Variants in ZFHX4 observed in about 807,000 individuals in gnomAD.
ZFHX4 encodes the protein zinc finger homeobox 4, also known as zinc finger homeobox protein 4.
ZFHX4 carries 56 observed loss-of-function variants against 267.6 expected under a neutral mutation model. The ratio of observed to expected loss-of-function variants is 0.21; its 90% CI spans 0.17 to 0.26. The LOEUF is 0.26. ZFHX4 is among the 10% of genes least tolerant of loss of function. ZFHX4 has a pLI of 1.00. For missense variants in ZFHX4, 4,332 were observed against 4,420.0 expected, an observed-to-expected ratio of 0.98 and a Z score of 0.56; for synonymous variants, 1,778 against 1,665.6, an observed-to-expected ratio of 1.07 and a Z score of -1.64.
intron 3 of ZFHX4, among the ~76,000 whole-genome samples, chr8:76,709,439 G>T (rs540812778): frequency 1.9e-4 from 29 of 152,176 alleles, no homozygotes; most frequent in African/African-American, 6.5e-4. Context: ...TAATTCATAG[G>T]TTTTGCAGCA....
Position 76,854,397 on chromosome 8 carries a change from A to G in ZFHX4, c.7476A>G (p.Gln2492=). ...LQNSLPPQLL[Q]YQCDQCTVAF... ...ACAGTCTACCTCCACAGTTACTACA[A>G]TACCAATGTGATCAGTGTACAGTTG... Residue 2492 remains glutamine (Q), a synonymous_variant, in exon 10 of 11, where the codon CAA becomes CAG. Coordinates refer to ENST00000651372, the MANE Select transcript of ZFHX4 (RefSeq NM_024721.5). 1 of 1,613,988 alleles carries G rather than the reference A, an allele frequency of 6.2e-7. No individual in the cohort carries two copies. The highest frequency in any genetic ancestry group is 8.5e-7 in the Non-Finnish European group (1 of 1,179,876).
chr8:76,777,086 A>C (rs1032735667), intron 3 of ZFHX4, among the ~76,000 whole-genome samples: 4 of 152,204 alleles, frequency 2.6e-5, no homozygotes, highest in African/African-American at 9.6e-5. Context: ...GAAGCACATA[A>C]AAATATTTTA....
At chr8:76,798,961 A>G (rs1811051597) in intron 4 of ZFHX4, among the ~76,000 whole-genome samples, 1 of 152,154 alleles carries the variant, frequency 6.6e-6, no homozygotes, top group Admixed American at 6.6e-5. Flanking sequence ...TATTTTGTTT[A>G]TTCAAAAGGA....
At chr8:76,745,209 T>C (rs1298625639) in intron 3 of ZFHX4, among the ~76,000 whole-genome samples, 1 of 152,172 alleles carries the variant, frequency 6.6e-6, no homozygotes, top group Non-Finnish European at 1.5e-5. Context: ...TACTTGAAGA[T>C]TGATCAGAAT....
intron 4 of ZFHX4, among the ~76,000 whole-genome samples, chr8:76,787,638 TAAA>T (rs748402870): frequency 1.3e-4 from 8 of 62,202 alleles, no homozygotes; most frequent in Admixed American, 3.6e-4. Context: ...CCATCTCCAC[TAAA>T]AAAAAAAAAA....
At chr8:76,813,166 A>G (rs568998946) in intron 4 of ZFHX4, among the ~76,000 whole-genome samples, 1 of 152,036 alleles carries the variant, frequency 6.6e-6, no homozygotes, top group East Asian at 1.9e-4. Context: ...TGACTTTGGG[A>G]TTTATTGGGG....
At position 76,864,682 on chromosome 8, in the gene ZFHX4, T is replaced by G. The variant is rs1812983438; in HGVS notation, c.*117T>G. 2.8e-6 allele frequency: 2 copies of G among 703,992 alleles called. No individual in the cohort carries two copies. The highest frequency in any genetic ancestry group is 3.6e-5 in the African/African-American group (2 of 55,352). 43.6% of individuals were successfully genotyped at this position (703,992 alleles called of 1,614,324 possible). On this transcript the variant is annotated 3_prime_UTR_variant, in exon 11 of 11. Transcript: ENST00000651372. ...CCCAAAAATTACAGTACCAAATGAT[T>G]GACTCAGGATTGTTTTTCCCATATT...
At chr8:76,683,122 G>C (rs1319206403) in intron 1 of ZFHX4, 2 of 152,094 alleles carry the variant, frequency 1.3e-5, no homozygotes, top group East Asian at 1.9e-4. Flanking sequence ...GGCTTCTGCG[G>C]GCGCCTTTGG....
chr8:76,748,042 T>A (rs1362287246), intron 3 of ZFHX4, among the ~76,000 whole-genome samples: 3 of 152,242 alleles, frequency 2.0e-5, no homozygotes, highest in African/African-American at 4.8e-5. Context: ...ACATTCTGTC[T>A]TTGATTTTAT....
Position 76,853,494 on chromosome 8 carries a change from A to T in ZFHX4, c.6573A>T (p.Ser2191=), listed in dbSNP as rs542498051. The T allele has an allele frequency of 1.2e-6, 2 of 1,613,912 alleles. No individual in the cohort carries two copies. The highest frequency in any genetic ancestry group is 2.7e-5 in the African/African-American group (2 of 75,046). Residue 2191 remains serine, a synonymous_variant, in exon 10 of 11, where the codon TCA becomes TCT. Coordinates refer to ENST00000651372, the MANE Select transcript of ZFHX4 (RefSeq NM_024721.5). ...LFKERQRNKD[S]PYNFSNPPIT... is the part of the protein sequence containing the mutation. ...AGGAACGACAGAGAAATAAAGATTCACCATACAACTTCAGTAACCCTCCTA... is the reference window on the plus strand; with the variant it reads ...AGGAACGACAGAGAAATAAAGATTCTCCATACAACTTCAGTAACCCTCCTA...
At chr8:76,860,970 G>A (rs184001608) in intron 10 of ZFHX4, among the ~76,000 whole-genome samples, 43 of 152,224 alleles carry the variant, frequency 2.8e-4, no homozygotes, top group African/African-American at 9.4e-4. Context: ...AAAGGCAAGG[G>A]AGTTATGCTT....
Position 76,865,341 on chromosome 8 carries a change from G to A in ZFHX4, c.*776G>A, listed in dbSNP as rs1034625597. The A allele has an allele frequency of 2.6e-5, 4 of 152,426 alleles. No individual in the cohort carries two copies. The highest frequency in any genetic ancestry group is 9.7e-5 in the African/African-American group (4 of 41,392). 9.4% of individuals were successfully genotyped at this position (152,426 alleles called of 1,614,324 possible). A position where few individuals can be genotyped will look rare whatever the true frequency, so the allele number is the denominator to read the frequency against. On this transcript the variant is annotated 3_prime_UTR_variant, in exon 11 of 11. Coordinates refer to ENST00000651372, the MANE Select transcript of ZFHX4 (RefSeq NM_024721.5). Reference sequence around the variant, plus strand: ...ACCTCTGACGTCATTCTTTTTTTCTGAAAGAGGTAATAATTCTAGTTTTGA... The same window carrying A: ...ACCTCTGACGTCATTCTTTTTTTCTAAAAGAGGTAATAATTCTAGTTTTGA...
intron 6 of ZFHX4, among the ~76,000 whole-genome samples, chr8:76,845,897 A>G (rs1266855840): frequency 1.3e-5 from 2 of 151,892 alleles, no homozygotes; most frequent in African/African-American, 4.8e-5. Flanking sequence ...AATGAAAATG[A>G]CATTTTTTTT....
intron 3 of ZFHX4, among the ~76,000 whole-genome samples, chr8:76,724,232 T>C (rs1317550611): frequency 6.6e-6 from 1 of 152,024 alleles, no homozygotes; most frequent in Admixed American, 6.6e-5. Flanking sequence ...ACTTTGAAGG[T>C]TGCTTGTAGA....
chr8:76,833,249 TGCCAAA>T, intron 4 of ZFHX4, 83 bp from the exon 5 acceptor site: 1 of 1,029,230 alleles, frequency 9.7e-7, no homozygotes, highest in Non-Finnish European at 1.5e-6. Context: ...CTCTCCTGAC[TGCCAAA>T]TTTTGGGTTC....
chr8:76,711,947 G>A (rs192622718), intron 3 of ZFHX4, among the ~76,000 whole-genome samples: 17 of 152,188 alleles, frequency 1.1e-4, no homozygotes, highest in Middle Eastern at 3.4e-3. Context: ...TCTGTACTTC[G>A]GCTGCTCTTT....
intron 3 of ZFHX4, among the ~76,000 whole-genome samples, chr8:76,722,712 T>G (rs750978705): frequency 2.6e-5 from 4 of 151,736 alleles, no homozygotes; most frequent in Admixed American, 6.6e-5. Flanking sequence ...AAAAATAGCT[T>G]TGAAAAAAAA....
intron 3 of ZFHX4, among the ~76,000 whole-genome samples, chr8:76,770,184 A>C (rs567552522): frequency 2.6e-5 from 4 of 152,212 alleles, no homozygotes; most frequent in African/African-American, 4.8e-5. Context: ...GTGATAACAA[A>C]TTCTATCTAG....
intron 3 of ZFHX4, among the ~76,000 whole-genome samples, chr8:76,746,133 C>T (rs1023153204): frequency 5.9e-5 from 9 of 152,130 alleles, no homozygotes; most frequent in African/African-American, 2.2e-4. Flanking sequence ...TGGTCAGGAG[C>T]GATGGCTCAT....
Sources: gnomAD v4.1 joint callset for allele counts (sites outside exome capture counted in the v4.1 genomes callset) on GRCh38, gnomAD v4.1.1 for gene constraint, MANE v1.5 for transcripts, NCBI Gene and HGNC (gene_info 2026-07-23, HGNC 2026-07-21) for gene names.